Variants in GPC6 observed in about 807,000 individuals in gnomAD.
GPC6 encodes glypican 6.
GPC6 carries 14 observed loss-of-function variants against 55.2 expected under a neutral mutation model. The observed-to-expected ratio is 0.25, with a 90% CI of 0.17 to 0.40. The LOEUF (loss-of-function observed/expected upper bound fraction) is 0.40, where lower values mean the gene tolerates loss of function less well. Among genes scored for constraint, GPC6 ranks in the 10% least tolerant of loss-of-function variants. The pLI is 1.00. For synonymous variants in GPC6, 278 were observed against 259.6 expected (o/e 1.07, Z -0.68); for missense variants, 641 against 708.5 (o/e 0.90, Z 1.08).
intron 3 of GPC6, among the ~76,000 whole-genome samples, chr13:93,924,630 C>T (rs567077963): frequency 6.6e-6 from 1 of 151,156 alleles, no homozygotes; most frequent in Non-Finnish European, 1.5e-5. Context: ...ATATAAATAC[C>T]TTCTTTGACT....
At chr13:94,141,918 G>A (rs1017335171) in intron 4 of GPC6, among the ~76,000 whole-genome samples, 2 of 152,040 alleles carry the variant, frequency 1.3e-5, no homozygotes, top group African/African-American at 2.4e-5. Flanking sequence ...GAGAATTCTC[G>A]TTAGAAACTA....
Position 93,855,171 on chromosome 13 carries a change from C to T in GPC6, c.711+24626C>T, listed in dbSNP as rs573261054. ...TGCTGCCCTGAAAACTCTCTATGTC[C>T]CACCTGTTTATCTCTCCATCCTTAC... On this transcript the variant is annotated intron_variant, in intron 3 of 8. Transcript: ENST00000377047. Among the ~76,000 whole-genome samples the T allele has an allele frequency of 4.6e-5, 7 of 151,710 alleles. No individual in the cohort carries two copies. In the South Asian group the frequency reaches 1.5e-3, roughly 31 times the overall value.
chr13:94,268,015 G>A (rs1405039449), intron 4 of GPC6, among the ~76,000 whole-genome samples: 3 of 152,180 alleles, frequency 2.0e-5, no homozygotes, highest in African/African-American at 7.2e-5. Flanking sequence ...AGAGGCTAGT[G>A]GGGTTGCTAA....
intron 1 of GPC6, among the ~76,000 whole-genome samples, chr13:93,293,071 C>A (rs2139082673): frequency 6.6e-6 from 1 of 152,058 alleles, no homozygotes; most frequent in Middle Eastern, 3.4e-3. Flanking sequence ...CAGCCTTGAC[C>A]TCCAGGGCTC....
At chr13:94,289,930 G>A (rs1440511846) in intron 5 of GPC6, among the ~76,000 whole-genome samples, 1 of 152,070 alleles carries the variant, frequency 6.6e-6, no homozygotes, top group Non-Finnish European at 1.5e-5. Flanking sequence ...TGTTCTAGGG[G>A]CCCCCATGAC....
intron 4 of GPC6, among the ~76,000 whole-genome samples, chr13:94,105,462 A>G (rs909528661): frequency 3.9e-5 from 6 of 152,232 alleles, no homozygotes; most frequent in African/African-American, 1.4e-4. Flanking sequence ...ATATACAGAT[A>G]TCTCCCATGA....
intron 1 of GPC6, among the ~76,000 whole-genome samples, chr13:93,447,290 G>T (rs1304315798): frequency 6.6e-6 from 1 of 152,072 alleles, no homozygotes; most frequent in African/African-American, 2.4e-5. Flanking sequence ...AGATATTCAG[G>T]TTCAAAACCA....
chr13:93,522,034 A>C (rs191426048), intron 1 of GPC6, among the ~76,000 whole-genome samples: 1 of 151,846 alleles, frequency 6.6e-6, no homozygotes, highest in Non-Finnish European at 1.5e-5. Flanking sequence ...GTGCTGTTTC[A>C]TTTTATCTTA....
intron 4 of GPC6, among the ~76,000 whole-genome samples, chr13:94,036,341 T>C (rs1165922289): frequency 6.6e-6 from 1 of 152,060 alleles, no homozygotes. Flanking sequence ...TTTGCATAGA[T>C]TTAAATAATT....
intron 3 of GPC6, among the ~76,000 whole-genome samples, chr13:94,001,519 T>A (rs1044099168): frequency 6.6e-6 from 1 of 152,168 alleles, no homozygotes; most frequent in Non-Finnish European, 1.5e-5. Context: ...TAGGCCTTAT[T>A]GATATTGTGC....
intron 1 of GPC6, among the ~76,000 whole-genome samples, chr13:93,335,330 T>C (rs1880009574): frequency 6.6e-6 from 1 of 152,230 alleles, no homozygotes; most frequent in Non-Finnish European, 1.5e-5. Context: ...CCTCACATCA[T>C]TGAAGTCTTT....
At chr13:93,446,897 T>TA (rs142833192) in intron 1 of GPC6, among the ~76,000 whole-genome samples, 1 of 151,034 alleles carries the variant, frequency 6.6e-6, no homozygotes, top group East Asian at 1.9e-4. Context: ...TTTATGAAAA[T>TA]AAAAAAAGAA....
At chr13:93,346,917 TATGTTATC>T (rs1180025946) in intron 1 of GPC6, among the ~76,000 whole-genome samples, 1 of 121,770 alleles carries the variant, frequency 8.2e-6, no homozygotes, top group Non-Finnish European at 2.2e-5. Flanking sequence ...ATAAGTTTGT[TATGTTATC>T]ATCTTTGTTA....
intron 1 of GPC6, among the ~76,000 whole-genome samples, chr13:93,398,167 G>T (rs1368754309): frequency 2.0e-5 from 3 of 152,148 alleles, no homozygotes; most frequent in African/African-American, 7.2e-5. Flanking sequence ...CAGAGAGAAA[G>T]ATAGCATATT....
intron 2 of GPC6, among the ~76,000 whole-genome samples, chr13:93,780,812 G>C (rs574349134): frequency 5.1e-4 from 78 of 151,882 alleles, no homozygotes; most frequent in Non-Finnish European, 9.0e-4. Context: ...TGCTTCCTGT[G>C]ATAGTAAAAA....
At chr13:93,492,212 A>C (rs1283617283) in intron 1 of GPC6, among the ~76,000 whole-genome samples, 1 of 147,064 alleles carries the variant, frequency 6.8e-6, no homozygotes, top group Non-Finnish European at 1.5e-5. Context: ...AGTGGTTTGT[A>C]GTTCTCCTTG....
chr13:94,265,048 C>A (rs1237051062), intron 4 of GPC6, among the ~76,000 whole-genome samples: 1 of 152,186 alleles, frequency 6.6e-6, no homozygotes, highest in African/African-American at 2.4e-5. Flanking sequence ...ATGGGAGCTA[C>A]AACTCAAGAT....
At chr13:94,138,439 T>TA (rs1463181465) in intron 4 of GPC6, among the ~76,000 whole-genome samples, 1 of 152,206 alleles carries the variant, frequency 6.6e-6, no homozygotes, top group Non-Finnish European at 1.5e-5. Flanking sequence ...TCTTTATACT[T>TA]ATGATGCTTC....
At chr13:93,756,823 T>C (rs2138870495) in intron 2 of GPC6, among the ~76,000 whole-genome samples, 1 of 152,296 alleles carries the variant, frequency 6.6e-6, no homozygotes, top group South Asian at 2.1e-4. Context: ...TTTTAGAGGC[T>C]TGATAGGGAG....
Sources: gnomAD v4.1 joint callset for allele counts (sites outside exome capture counted in the v4.1 genomes callset) on GRCh38, gnomAD v4.1.1 for gene constraint, MANE v1.5 for transcripts, NCBI Gene and HGNC (gene_info 2026-07-23, HGNC 2026-07-21) for gene names.